The following NLRP11 variants were observed in gnomAD, a reference collection of about 807,000 sequenced individuals.
NLRP11 encodes the protein NLR family pyrin domain containing 11.
In NLRP11, 53 loss-of-function variants were observed where a neutral mutation model predicts 79.3. That is an observed-to-expected ratio of 0.67 (90% CI 0.54 to 0.84). The LOEUF (loss-of-function observed/expected upper bound fraction) is 0.84. Ranked by LOEUF, NLRP11 falls within the 40% of genes least tolerant of loss-of-function variation. The probability of loss-of-function intolerance (pLI) is 0.00; values close to 1 mark genes in which losing one functional copy is unlikely to be tolerated. For synonymous variants in NLRP11, 518 were observed against 462.6 expected (o/e 1.12, Z -1.54); for missense variants, 1,264 against 1,255.0 (o/e 1.01, Z -0.11).
chr19:55,806,814 T>C (rs1980042116), intron 4 of NLRP11, among the ~76,000 whole-genome samples: 1 of 152,166 alleles, frequency 6.6e-6, no homozygotes, highest in Admixed American at 6.5e-5. Flanking sequence ...CTCACACTGG[T>C]CTAAACATGT....
In NLRP11 at chr19:55,807,967, T is replaced by C. The variant is rs781573110; in HGVS notation, c.1889A>G (p.Tyr630Cys). The C allele has an allele frequency of 1.6e-5, 26 of 1,612,408 alleles. No individual in the cohort carries two copies. In the East Asian group the frequency reaches 5.8e-4, roughly 36 times the overall value. Residue 630 changes from tyrosine (Y) to cysteine (C), a missense_variant, in exon 4 of 10, where the codon TAT (tyrosine) becomes TGT (cysteine). Physicochemically the swap from Tyr to Cys is radical, Grantham distance 194. Coordinates refer to ENST00000589093, the Ensembl canonical transcript of NLRP11. Reference sequence around the variant, plus strand: ...CAGCTCCCGGAGGCTCTCCATTGTATAAAAAAGAGAGCAGATCTCTCTCCA... The same window carrying C: ...CAGCTCCCGGAGGCTCTCCATTGTACAAAAAAGAGAGCAGATCTCTCTCCA...
At chr19:55,821,243 A>C (rs1326824592) in intron 1 of NLRP11, among the ~76,000 whole-genome samples, 5 of 121,182 alleles carry the variant, frequency 4.1e-5, no homozygotes, top group African/African-American at 1.5e-4. Context: ...ACACACACAC[A>C]CACACACCCC....
At chr19:55,798,303 T>C in intron 5 of NLRP11, 1 of 984,802 alleles carries the variant, frequency 1.0e-6, no homozygotes. Flanking sequence ...GGCCTGTGTA[T>C]TCTATTTGGA....
chr19:55,821,100 T>A (rs1981650650), intron 1 of NLRP11, among the ~76,000 whole-genome samples: 1 of 152,030 alleles, frequency 6.6e-6, no homozygotes, highest in Non-Finnish European at 1.5e-5. Context: ...AGCTTGCAAT[T>A]TCCTTCCATC....
At chr19:55,808,977 A>C in exon 3 of NLRP11, 1 of 1,614,150 alleles carries the variant, frequency 6.2e-7, no homozygotes, top group African/African-American at 1.3e-5. Flanking sequence ...CAGTAAAACA[A>C]AGGCATATGG....
chr19:55,800,307 CATTT>C (rs1394600846), intron 5 of NLRP11, among the ~76,000 whole-genome samples: 1 of 151,990 alleles, frequency 6.6e-6, no homozygotes, highest in African/African-American at 2.4e-5. Flanking sequence ...ATTTATTATT[CATTT>C]ATTTATTTAT....
chr19:55,801,995 A>G lies in NLRP11; in HGVS notation c.2004-256T>C, dbSNP rs78863112. ...TGACCTTTCTTAAGTGGGACCCACA[A>G]GCCGGATACTAAGAATACATCCACA... On this transcript the variant is annotated intron_variant, in intron 4 of 9. Transcript: ENST00000589093. 2.7e-3 allele frequency among the ~76,000 whole-genome samples: 407 copies of G among 152,352 alleles called. 4 individuals carry two copies. Among genetic ancestry groups the G allele is most frequent in the African/African-American group, 9.4e-3 (389 of 41,584 alleles).
intron 5 of NLRP11, 44 bp from the exon 6 acceptor site, chr19:55,796,294 G>T: frequency 3.5e-6 from 5 of 1,433,942 alleles, no homozygotes; most frequent in Middle Eastern, 2.3e-4. Flanking sequence ...CCGCGTTTAA[G>T]CTATCCCCTC....
intron 5 of NLRP11, among the ~76,000 whole-genome samples, chr19:55,796,754 T>C (rs1241460372): frequency 6.6e-6 from 1 of 151,880 alleles, no homozygotes; most frequent in Non-Finnish European, 1.5e-5. Context: ...TGGTGCGATC[T>C]CGGCTCACTG....
intron 4 of NLRP11, 72 bp downstream of exon 4, chr19:55,807,781 C>T: frequency 7.7e-6 from 8 of 1,043,840 alleles, no homozygotes; most frequent in Non-Finnish European, 1.1e-5. Flanking sequence ...ATATTGTCTT[C>T]TCCCAGAGAA....
chr19:55,803,118 A>T (rs537030302), intron 4 of NLRP11, among the ~76,000 whole-genome samples: 41 of 152,106 alleles, frequency 2.7e-4, no homozygotes, highest in Non-Finnish European at 5.3e-4. Flanking sequence ...GGAGACTCAG[A>T]TGGGCAGATC....
chr19:55,796,857 G>T (rs2616941), intron 5 of NLRP11, among the ~76,000 whole-genome samples: 111,632 of 151,740 alleles, frequency 0.74, 41,225 homozygotes, highest in African/African-American at 0.79. Context: ...CCCGGCTAAT[G>T]TTTGTATTTT....
intron 4 of NLRP11, among the ~76,000 whole-genome samples, chr19:55,805,511 T>C (rs893793190): frequency 2.1e-4 from 31 of 150,560 alleles, no homozygotes; most frequent in Admixed American, 6.6e-4. Context: ...CTTTGCCCCA[T>C]GTTGCAACAA....
At chr19:55,798,394 C>G (rs539560009) in intron 5 of NLRP11, 22 of 939,412 alleles carry the variant, frequency 2.3e-5, no homozygotes, top group Non-Finnish European at 2.8e-5. Context: ...TTATCCTTAG[C>G]AAACTAACAT....
chr19:55,818,605 A>G (rs1316728151), intron 1 of NLRP11, among the ~76,000 whole-genome samples: 1 of 152,126 alleles, frequency 6.6e-6, no homozygotes, highest in Admixed American at 6.5e-5. Flanking sequence ...CTCTTACAAG[A>G]TATGCTGTTG....
intron 5 of NLRP11, among the ~76,000 whole-genome samples, chr19:55,797,483 G>T (rs1568630787): frequency 6.6e-6 from 1 of 152,050 alleles, no homozygotes; most frequent in Non-Finnish European, 1.5e-5. Flanking sequence ...GAAGTTCCTG[G>T]GATACAGCAG....
chr19:55,833,193 C>T (rs992347456), upstream of NLRP11, among the ~76,000 whole-genome samples: 1 of 152,076 alleles, frequency 6.6e-6, no homozygotes, highest in East Asian at 1.9e-4. Flanking sequence ...TTGCCATATA[C>T]AAAATCCTTA....
At chr19:55,824,255 TGAAG>T (rs1473706044) in intron 1 of NLRP11, among the ~76,000 whole-genome samples, 1 of 146,964 alleles carries the variant, frequency 6.8e-6, no homozygotes, top group African/African-American at 2.6e-5. Flanking sequence ...AAAGAGCTCC[TGAAG>T]GAAGCGCTAA....
chr19:55,810,455 C>G (rs1980499685), intron 2 of NLRP11, 117 bp from the exon 3 acceptor site: 2 of 838,688 alleles, frequency 2.4e-6, no homozygotes, highest in East Asian at 5.3e-5. Context: ...TTTTTACTTA[C>G]TACTGCTTAT....
Sources: gnomAD v4.1 joint callset for allele counts (sites outside exome capture counted in the v4.1 genomes callset) on GRCh38, gnomAD v4.1.1 for gene constraint, MANE v1.5 for transcripts, NCBI Gene and HGNC (gene_info 2026-07-23, HGNC 2026-07-21) for gene names.